SESN1: variants seen among roughly 807,000 people sequenced by gnomAD.
The protein encoded by SESN1 is sestrin 1, also known as sestrin-1.
In SESN1, 30 loss-of-function variants were observed where a neutral mutation model predicts 59.3. The observed-to-expected ratio is 0.51, with a 90% CI of 0.38 to 0.69. The LOEUF (loss-of-function observed/expected upper bound fraction) is 0.69. Among genes scored for constraint, SESN1 ranks in the 30% least tolerant of loss-of-function variants. The probability of loss-of-function intolerance (pLI) is 0.00; values close to 1 mark genes in which losing one functional copy is unlikely to be tolerated. For missense variants in SESN1, 566 were observed against 673.0 expected (o/e 0.84, Z 1.76); for synonymous variants, 197 against 219.9 (o/e 0.90, Z 0.92).
chr6:108,995,366 C>T (rs1246411988), intron 5 of SESN1, among the ~76,000 whole-genome samples: 1 of 152,180 alleles, frequency 6.6e-6, no homozygotes, highest in East Asian at 1.9e-4. Flanking sequence ...AGCTTTATTT[C>T]TACAATTTAC....
intron 1 of SESN1, among the ~76,000 whole-genome samples, chr6:109,031,288 A>G (rs749611179): frequency 7.2e-5 from 11 of 152,172 alleles, no homozygotes; most frequent in Non-Finnish European, 1.5e-4. Context: ...AAGGAGCCCT[A>G]AAAGATTCTC....
Position 109,000,539 on chromosome 6 carries a change from G to T in SESN1, c.681C>A (p.Asn227Lys), listed in dbSNP as rs756014265. 2 of 1,610,884 alleles carry T rather than the reference G, an allele frequency of 1.2e-6. No individual in the cohort carries two copies. The highest frequency in any genetic ancestry group is 1.7e-6 in the Non-Finnish European group (2 of 1,178,354). Reference protein sequence around the residue: ...PQKLQNLGELNKVLAHRPWLI... With the variant: ...PQKLQNLGELKKVLAHRPWLI... ...GCCAAGGTCTATGGGCTAACACTTT[G>T]TTAAGTTCTCCTAAATTCTGTAGTT... The change falls in exon 4 of 10, where the codon AAC (asparagine) becomes AAA (lysine). Residue 227 changes from asparagine (N) to lysine (K), a missense_variant. Physicochemically the swap from Asn to Lys is moderately conservative, Grantham distance 94. Coordinates refer to ENST00000436639, the MANE Select transcript of SESN1 (RefSeq NM_014454.3).
intron 1 of SESN1, among the ~76,000 whole-genome samples, chr6:109,041,138 TAA>T (rs753319284): frequency 5.2e-5 from 7 of 135,018 alleles, no homozygotes; most frequent in South Asian, 2.4e-4. Context: ...CTGTTTCTAT[TAA>T]AAAAAAAAAA....
intron 1 of SESN1, among the ~76,000 whole-genome samples, chr6:109,053,748 T>C (rs1444299916): frequency 6.6e-6 from 1 of 152,234 alleles, no homozygotes; most frequent in African/African-American, 2.4e-5. Flanking sequence ...TCATAAAGGT[T>C]GGATCTCATG....
At chr6:109,014,802 C>A (rs1456644256) in intron 1 of SESN1, among the ~76,000 whole-genome samples, 2 of 152,160 alleles carry the variant, frequency 1.3e-5, no homozygotes, top group African/African-American at 4.8e-5. Flanking sequence ...TCTACCCAAC[C>A]TCCTACATGT....
At chr6:109,085,709 T>C (rs907090647) in intron 1 of SESN1, among the ~76,000 whole-genome samples, 1 of 152,212 alleles carries the variant, frequency 6.6e-6, no homozygotes, top group African/African-American at 2.4e-5. Flanking sequence ...GTAAACCCTA[T>C]TTTCCACTGA....
At chr6:109,073,836 A>T (rs1346416737) in intron 1 of SESN1, among the ~76,000 whole-genome samples, 1 of 152,186 alleles carries the variant, frequency 6.6e-6, no homozygotes, top group African/African-American at 2.4e-5. Flanking sequence ...TGGTGTTTTG[A>T]CTTATTTTCT....
chr6:109,055,183 A>G (rs1780608548), intron 1 of SESN1, among the ~76,000 whole-genome samples: 1 of 152,174 alleles, frequency 6.6e-6, no homozygotes, highest in Non-Finnish European at 1.5e-5. Context: ...TGAAAAGAGG[A>G]AAGGGAGGGT....
At chr6:109,007,909 C>T (rs1367864540) in intron 1 of SESN1, among the ~76,000 whole-genome samples, 1 of 151,324 alleles carries the variant, frequency 6.6e-6, no homozygotes, top group Admixed American at 6.6e-5. Flanking sequence ...TCAGGAGTTC[C>T]GTTTCTTGAA....
At chr6:109,014,911 CTATT>C (rs750673427) in intron 1 of SESN1, among the ~76,000 whole-genome samples, 2 of 152,130 alleles carry the variant, frequency 1.3e-5, no homozygotes, top group Admixed American at 6.5e-5. Flanking sequence ...CTGATACCTC[CTATT>C]TATTTATTTA....
chr6:109,060,828 A>T (rs1258490411), intron 1 of SESN1, among the ~76,000 whole-genome samples: 1 of 152,184 alleles, frequency 6.6e-6, no homozygotes, highest in Non-Finnish European at 1.5e-5. Context: ...TGACCAAGGG[A>T]ATCAGGAATA....
intron 1 of SESN1, among the ~76,000 whole-genome samples, chr6:109,082,098 G>A (rs1357330761): frequency 6.6e-6 from 1 of 152,176 alleles, no homozygotes; most frequent in East Asian, 1.9e-4. Flanking sequence ...ATGTTTATAA[G>A]TGAAATAAGA....
At chr6:109,089,073 T>A (rs976208684) in intron 1 of SESN1, among the ~76,000 whole-genome samples, 3 of 151,730 alleles carry the variant, frequency 2.0e-5, no homozygotes, top group African/African-American at 4.9e-5. Flanking sequence ...TTTTTTTTTT[T>A]AACAGATTTA....
chr6:109,079,075 C>T (rs868481240), intron 1 of SESN1, among the ~76,000 whole-genome samples: 7 of 151,482 alleles, frequency 4.6e-5, no homozygotes, highest in Admixed American at 2.6e-4. Flanking sequence ...ATAATTACCA[C>T]TAAGAGAATA....
chr6:109,088,866 A>G (rs1319098803), intron 1 of SESN1, among the ~76,000 whole-genome samples: 1 of 152,206 alleles, frequency 6.6e-6, no homozygotes, highest in Non-Finnish European at 1.5e-5. Flanking sequence ...AACCCAGTAT[A>G]AAGCCTTGGA....
chr6:109,074,115 C>T (rs946542086), intron 1 of SESN1, among the ~76,000 whole-genome samples: 1 of 152,178 alleles, frequency 6.6e-6, no homozygotes, highest in African/African-American at 2.4e-5. Flanking sequence ...CTATTCATTA[C>T]AGTAATGTGC....
intron 8 of SESN1, 73 bp from the exon 9 acceptor site, chr6:108,988,760 A>G (rs1235218849): frequency 1.7e-6 from 2 of 1,202,346 alleles, no homozygotes; most frequent in Non-Finnish European, 2.3e-6. Flanking sequence ...AAGTATACAC[A>G]TCAATAGTTA....
intron 1 of SESN1, among the ~76,000 whole-genome samples, chr6:109,040,641 G>A (rs1780323919): frequency 6.6e-6 from 1 of 151,128 alleles, no homozygotes; most frequent in Non-Finnish European, 1.5e-5. Flanking sequence ...ACATATATGT[G>A]ACAAACTAGC....
rs1294371963 is a variant in SESN1 at position 109,094,256 on chromosome 6, C to T, written c.-183G>A. 1.6e-6 allele frequency: 1 copy of T among 623,836 alleles called. No homozygotes were observed. Among genetic ancestry groups the T allele is most frequent in the South Asian group, 2.0e-5 (1 of 49,132 alleles). 38.6% of individuals were successfully genotyped at this position (623,836 alleles called of 1,614,324 possible). On this transcript the variant is annotated 5_prime_UTR_variant, in exon 1 of 10. Transcript: ENST00000436639. The stretch of plus-strand genomic sequence containing the variant: ...CAGCCGATCTACAAGCTAGGTCACC[C>T]TCTCACCCTCTCCTTGTACACGAAA...
Sources: allele counts gnomAD v4.1 joint callset (sites outside exome capture counted in the v4.1 genomes callset), GRCh38; gene constraint gnomAD v4.1.1; transcripts MANE v1.5; gene names NCBI Gene and HGNC (gene_info 2026-07-23, HGNC 2026-07-21).